CCDC191: variants seen among roughly 807,000 people sequenced by gnomAD.
CCDC191 encodes the protein coiled-coil domain-containing protein 191.
CCDC191 carries 99 observed loss-of-function variants against 114.0 expected under a neutral mutation model. The ratio of observed to expected loss-of-function variants is 0.87; its 90% CI spans 0.74 to 1.03. The LOEUF is 1.03. CCDC191 is among the 50% of genes least tolerant of loss of function. CCDC191 has a pLI of 0.00. For missense variants in CCDC191, 973 were observed against 1,087.0 expected (o/e 0.90, Z 1.47); for synonymous variants, 351 against 376.0 (o/e 0.93, Z 0.77).
intron 2 of CCDC191, among the ~76,000 whole-genome samples, chr3:114,051,134 T>G (rs1406818099): frequency 2.0e-5 from 3 of 152,018 alleles, no homozygotes; most frequent in African/African-American, 7.3e-5. Context: ...CAAAGCATGG[T>G]TCACAACATT....
At chr3:113,989,076 G>A (rs1375224746) in intron 13 of CCDC191, among the ~76,000 whole-genome samples, 5 of 152,156 alleles carry the variant, frequency 3.3e-5, no homozygotes, top group Admixed American at 6.5e-5. Context: ...GATTACAGGC[G>A]TGAGCCACTG....
Position 114,044,589 on chromosome 3 carries a change from G to A in CCDC191, c.272-1743C>T, listed in dbSNP as rs552946476. Among the ~76,000 whole-genome samples, 6 of 152,250 alleles carry A rather than the reference G, an allele frequency of 3.9e-5. No individual in the cohort carries two copies. The South Asian group carries it at 1.2e-3, about 32-fold the overall frequency. Reference sequence around the variant, plus strand: ...AAAAATAAATCAGAGTAATATAAACGAAGTGTTAAAAGCATACTAGCAACA... The same window carrying A: ...AAAAATAAATCAGAGTAATATAAACAAAGTGTTAAAAGCATACTAGCAACA... On this transcript the variant is annotated intron_variant, in intron 3 of 16. Coordinates refer to ENST00000295878, the MANE Select transcript of CCDC191 (RefSeq NM_020817.2).
chr3:114,016,256 C>T (rs1343045589), intron 8 of CCDC191, among the ~76,000 whole-genome samples: 1 of 152,224 alleles, frequency 6.6e-6, no homozygotes, highest in Non-Finnish European at 1.5e-5. Flanking sequence ...AATAAATGCT[C>T]TCTCCTATCC....
chr3:113,988,361 G>A (rs1317012016), intron 13 of CCDC191, among the ~76,000 whole-genome samples: 1 of 152,028 alleles, frequency 6.6e-6, no homozygotes, highest in African/African-American at 2.4e-5. Flanking sequence ...GGGCATGGTG[G>A]CGGGCGCCTG....
Position 114,007,363 on chromosome 3 carries a change from G to A in CCDC191, c.1414-1401C>T, listed in dbSNP as rs150386821. Among the ~76,000 whole-genome samples the A allele has an allele frequency of 9.1e-3, 1,381 of 152,232 alleles. 8 individuals carry two copies. The highest frequency in any genetic ancestry group is 0.015 in the Non-Finnish European group (1,013 of 67,998). On this transcript the variant is annotated intron_variant, in intron 9 of 16. Transcript: ENST00000295878. ...TTAGGGACTCAAAAATATTTTTCAC[G>A]ATTATAGAAATGCTTTCCATAGACT... is the stretch of plus-strand genomic sequence containing the variant.
chr3:113,972,396 TCTTA>T (rs1940909985), intron 16 of CCDC191, among the ~76,000 whole-genome samples: 1 of 152,172 alleles, frequency 6.6e-6, no homozygotes, highest in Non-Finnish European at 1.5e-5. Flanking sequence ...CTGAAGTTCC[TCTTA>T]CTGATTCCTA....
chr3:114,023,497 C>T (rs2076273499), intron 7 of CCDC191, among the ~76,000 whole-genome samples: 1 of 152,042 alleles, frequency 6.6e-6, no homozygotes, highest in Non-Finnish European at 1.5e-5. Context: ...GGTACTGGTA[C>T]CAAAACAGAG....
intron 8 of CCDC191, among the ~76,000 whole-genome samples, chr3:114,012,346 A>G (rs2076084716): frequency 6.6e-6 from 1 of 152,206 alleles, no homozygotes; most frequent in South Asian, 2.1e-4. Flanking sequence ...TGCTAACAGC[A>G]TATTTCATTA....
chr3:114,055,228 T>G (rs2076753634), intron 1 of CCDC191, among the ~76,000 whole-genome samples: 1 of 152,154 alleles, frequency 6.6e-6, no homozygotes, highest in Admixed American at 6.5e-5. Flanking sequence ...AGCCCTATGT[T>G]TTTACCTTTT....
intron 11 of CCDC191, chr3:114,004,324 A>G (rs2075906905): frequency 9.9e-7 from 1 of 1,005,722 alleles, no homozygotes; most frequent in Admixed American, 5.9e-5. Context: ...GAGTTTTCTC[A>G]TTTGTGTAAT....
intron 13 of CCDC191, among the ~76,000 whole-genome samples, chr3:113,988,626 CAAAAAAA>C (rs887679387): frequency 9.2e-5 from 4 of 43,670 alleles, no homozygotes; most frequent in Admixed American, 8.0e-4. Context: ...GACTCCATCT[CAAAAAAA>C]AAAAAAAAAA....
chr3:113,978,098 A>T, intron 16 of CCDC191, 88 bp downstream of exon 16: 1 of 1,451,888 alleles, frequency 6.9e-7, no homozygotes, highest in Non-Finnish European at 9.6e-7. Context: ...CCTCCAGCTC[A>T]TCTCTGCAGA....
At position 114,010,908 on chromosome 3, in the gene CCDC191, T is replaced by C. The variant is rs2076058223; in HGVS notation, c.1277A>G (p.Lys426Arg). 3.7e-6 allele frequency: 6 copies of C among 1,614,120 alleles called. No individual in the cohort carries two copies. In the South Asian group the frequency reaches 4.4e-5, roughly 12 times the overall value. Residue 426 changes from lysine to arginine, a missense_variant, in exon 9 of 17, where the codon AAA (lysine) becomes AGA (arginine). By Grantham distance (26) the Lys-to-Arg change is conservative. Transcript: ENST00000295878. ...ATCCATCTTCTTCCTAGTTTCCTCT[T>C]TTGTGAGAGCCAGCTCTCTCTTCAG... ...ELLKRELALT[K>R]EETRKKMDAL...
In CCDC191 at chr3:114,005,751, T is replaced by G; in HGVS notation, c.1625A>C (p.Gln542Pro). 1 of 1,614,178 alleles carries G rather than the reference T, an allele frequency of 6.2e-7. No homozygotes were observed. The highest frequency in any genetic ancestry group is 8.5e-7 in the Non-Finnish European group (1 of 1,180,014). Residue 542 changes from glutamine to proline, a missense_variant, in exon 10 of 17, where the codon CAG (glutamine) becomes CCG (proline). Physicochemically the swap from Gln to Pro is moderately conservative, Grantham distance 76. Coordinates refer to ENST00000295878, the MANE Select transcript of CCDC191 (RefSeq NM_020817.2). ...ACCCAAGCAAAGCGGTTCTGCTTTCTGGCTGGTAGTTCTGAGTGTCTCGTT... is the reference window on the plus strand; with the variant it reads ...ACCCAAGCAAAGCGGTTCTGCTTTCGGGCTGGTAGTTCTGAGTGTCTCGTT... Reference protein sequence around the residue: ...GSNETLRTTSQKAEPLCLGHF... With the variant: ...GSNETLRTTSPKAEPLCLGHF...
chr3:114,053,959 T>A (rs1466701180), intron 1 of CCDC191: 1 of 198,368 alleles, frequency 5.0e-6, no homozygotes, highest in Non-Finnish European at 1.0e-5. Context: ...GATATAGAAA[T>A]GCTAAATATA....
intron 16 of CCDC191, among the ~76,000 whole-genome samples, chr3:113,971,163 C>G (rs1435017445): frequency 6.6e-6 from 1 of 152,182 alleles, no homozygotes; most frequent in African/African-American, 2.4e-5. Flanking sequence ...AATGATTGAA[C>G]TAGTTTACAG....
intron 7 of CCDC191, among the ~76,000 whole-genome samples, chr3:114,019,247 C>T (rs532169172): frequency 1.3e-5 from 2 of 152,244 alleles, no homozygotes; most frequent in African/African-American, 4.8e-5. Flanking sequence ...AAAATACCAA[C>T]CATTTAATTC....
rs189314208 is a variant in CCDC191, at chr3:114,020,587, G to C, written c.973-1719C>G. 6.2e-4 allele frequency among the ~76,000 whole-genome samples: 94 copies of C among 152,250 alleles called. 1 individual carries two copies. Among genetic ancestry groups the C allele is most frequent in the African/African-American group, 2.2e-3 (91 of 41,558 alleles). On this transcript the variant is annotated intron_variant, in intron 7 of 16. Transcript: ENST00000295878. ...ACTCTTTCAGTTGTAATAGGGAGAA[G>C]AGATACAGCTGGCCAGGTTGAGGGG...
At chr3:114,039,906 T>A (rs545363184) in intron 4 of CCDC191, among the ~76,000 whole-genome samples, 156 of 152,140 alleles carry the variant, frequency 1.0e-3, no homozygotes, top group Non-Finnish European at 1.7e-3. Flanking sequence ...AAATATGTTT[T>A]TATAAATTCA....
Sources: gnomAD v4.1 joint callset for allele counts (sites outside exome capture counted in the v4.1 genomes callset) on GRCh38, gnomAD v4.1.1 for gene constraint, MANE v1.5 for transcripts, NCBI Gene and HGNC (gene_info 2026-07-23, HGNC 2026-07-21) for gene names.